Variants in ZIM2 observed in about 807,000 individuals in gnomAD.
ZIM2 encodes the protein zinc finger protein 656.
A neutral mutation model predicts 38.6 loss-of-function variants in ZIM2; 14 were observed. The ratio of observed to expected loss-of-function variants is 0.36; its 90% CI spans 0.24 to 0.57. The LOEUF is 0.57. Among genes scored for constraint, ZIM2 ranks in the 20% least tolerant of loss-of-function variants. The pLI is 0.81. For missense variants in ZIM2, 680 were observed against 695.1 expected (o/e 0.98, Z 0.24); for synonymous variants, 247 against 245.8 (o/e 1.00, Z -0.04).
chr19:56,795,296 A>G (rs1022843742), intron 9 of ZIM2, among the ~76,000 whole-genome samples: 4 of 152,180 alleles, frequency 2.6e-5, no homozygotes, highest in African/African-American at 9.6e-5. Context: ...CTTTTCCACC[A>G]CAAGGCCCCA....
intron 10 of ZIM2, among the ~76,000 whole-genome samples, chr19:56,787,019 T>C (rs908443405): frequency 2.0e-5 from 3 of 151,876 alleles, no homozygotes; most frequent in African/African-American, 7.3e-5. Flanking sequence ...GTATTTTTAG[T>C]AGAGATGCGG....
In ZIM2 at chr19:56,774,859, A is replaced by G. The variant is rs775503954; in HGVS notation, c.1506T>C (p.Cys502=). 2.5e-6 allele frequency: 4 copies of G among 1,614,074 alleles called. No individual in the cohort carries two copies. The African/African-American group carries it at 5.3e-5, about 22-fold the overall frequency. ...ATGAATTCCGACTGAAGACTCTGCC[A>G]CAGTCACAACACTGGCAGGCTCTCT... ...VGERACQCCD[C]GRVFSRNSYL... Residue 502 remains cysteine, a synonymous_variant, in exon 13 of 13, where the codon TGT becomes TGC. Transcript: ENST00000629319.
chr19:56,835,555 C>T (rs1011490366), intron 2 of ZIM2, among the ~76,000 whole-genome samples: 1 of 152,210 alleles, frequency 6.6e-6, no homozygotes, highest in African/African-American at 2.4e-5. Flanking sequence ...ATTAAGTCAG[C>T]TGTTGCTAGC....
At chr19:56,786,009 C>T (rs1469688908) in intron 10 of ZIM2, among the ~76,000 whole-genome samples, 2 of 152,140 alleles carry the variant, frequency 1.3e-5, no homozygotes, top group Non-Finnish European at 2.9e-5. Context: ...AAACCCTGCA[C>T]CTTCTAGCAG....
chr19:56,775,136 G>C lies in ZIM2; in HGVS notation c.1229C>G (p.Ser410Cys). The C allele has an allele frequency of 6.2e-7, 1 of 1,614,150 alleles. No homozygotes were observed. The highest frequency in any genetic ancestry group is 8.5e-7 in the Non-Finnish European group (1 of 1,180,036). The change falls in exon 13 of 13, where the codon TCT (serine) becomes TGT (cysteine). Residue 410 changes from serine to cysteine, a missense_variant. Transcript: ENST00000629319. ...PHLNRHQKTH[S>C]GRKTSGCNEG... Reference sequence around the variant, plus strand: ...ATTGCAGCCAGAAGTCTTCCTACCAGAATGGGTCTTCTGATGTCTGTTGAG... The same window carrying C: ...ATTGCAGCCAGAAGTCTTCCTACCACAATGGGTCTTCTGATGTCTGTTGAG...
At chr19:56,802,263 G>A (rs1486418350) in intron 9 of ZIM2, among the ~76,000 whole-genome samples, 1 of 152,078 alleles carries the variant, frequency 6.6e-6, no homozygotes, top group African/African-American at 2.4e-5. Context: ...CAACACAGGG[G>A]GCCACCTACT....
At chr19:56,822,054 C>T (rs529916495) in intron 6 of ZIM2, among the ~76,000 whole-genome samples, 29 of 152,282 alleles carry the variant, frequency 1.9e-4, no homozygotes, top group African/African-American at 6.5e-4. Context: ...CCTCATCCTT[C>T]GGGCACAACC....
intron 2 of ZIM2, among the ~76,000 whole-genome samples, chr19:56,830,027 C>A (rs1426063595): frequency 2.6e-5 from 4 of 152,192 alleles, no homozygotes; most frequent in Non-Finnish European, 5.9e-5. Context: ...AGTTAATCTG[C>A]CTGAGGATGG....
intron 12 of ZIM2, among the ~76,000 whole-genome samples, chr19:56,776,706 G>A (rs2046028041): frequency 6.6e-6 from 1 of 152,136 alleles, no homozygotes; most frequent in African/African-American, 2.4e-5. Context: ...ATGGGTCAGA[G>A]GTCTGTAAAA....
At chr19:56,833,047 A>T in intron 2 of ZIM2, 1 of 422,808 alleles carries the variant, frequency 2.4e-6, no homozygotes, top group Non-Finnish European at 4.7e-6. Flanking sequence ...TAATCAGAGA[A>T]ATGATGGGTC....
At chr19:56,802,016 A>G (rs955223771) in intron 9 of ZIM2, among the ~76,000 whole-genome samples, 1 of 152,204 alleles carries the variant, frequency 6.6e-6, no homozygotes, top group African/African-American at 2.4e-5. Flanking sequence ...CTAAGGGACT[A>G]GGACCAAACC....
At chr19:56,820,295 T>C (rs1418514219) in intron 7 of ZIM2, among the ~76,000 whole-genome samples, 1 of 152,254 alleles carries the variant, frequency 6.6e-6, no homozygotes, top group Non-Finnish European at 1.5e-5. Flanking sequence ...TGTGTACACC[T>C]TCAAAATGTA....
intron 9 of ZIM2, 86 bp downstream of exon 9, chr19:56,817,660 G>A: frequency 1.3e-6 from 2 of 1,519,642 alleles, no homozygotes; most frequent in Non-Finnish European, 1.8e-6. Flanking sequence ...ACCCTTCTGT[G>A]ATGTTTAGGA....
intron 10 of ZIM2, among the ~76,000 whole-genome samples, chr19:56,784,034 C>T (rs936892487): frequency 6.6e-6 from 1 of 152,128 alleles, no homozygotes; most frequent in Non-Finnish European, 1.5e-5. Context: ...AACTTACTAG[C>T]CATTTTGCTC....
chr19:56,800,934 CTTTTT>C (rs776316373), intron 9 of ZIM2, among the ~76,000 whole-genome samples: 1 of 135,990 alleles, frequency 7.4e-6, no homozygotes. Context: ...GATGGTATTA[CTTTTT>C]TTTTTTTTTT....
intron 10 of ZIM2, among the ~76,000 whole-genome samples, chr19:56,784,880 C>G (rs1479557223): frequency 6.6e-6 from 1 of 152,052 alleles, no homozygotes; most frequent in African/African-American, 2.4e-5. Flanking sequence ...ACTCTGATAT[C>G]CATTTTATTA....
At chr19:56,788,882 C>A (rs2046777861) in intron 10 of ZIM2, among the ~76,000 whole-genome samples, 1 of 151,720 alleles carries the variant, frequency 6.6e-6, no homozygotes, top group Admixed American at 6.6e-5. Flanking sequence ...TGTTTTCATG[C>A]TTTATTTCAT....
At chr19:56,778,609 G>A (rs944783428) in intron 12 of ZIM2, among the ~76,000 whole-genome samples, 1 of 152,140 alleles carries the variant, frequency 6.6e-6, no homozygotes, top group Non-Finnish European at 1.5e-5. Flanking sequence ...TGTCAGAGTC[G>A]AAGGCAGAGT....
Position 56,775,184 on chromosome 19 carries a change from T to G in ZIM2, c.1181A>C (p.Glu394Ala), listed in dbSNP as rs1484271094. The change falls in exon 13 of 13, where the codon GAA becomes GCA. Residue 394 changes from glutamate (E) to alanine (A), a missense_variant. By Grantham distance (107) the Glu-to-Ala change is moderately radical. Transcript: ENST00000629319. Reference protein sequence around the residue: ...KKPYECKQCAEAFYLMPHLNR... With the variant: ...KKPYECKQCAAAFYLMPHLNR... ...GAGGTGTGGCATGAGATAGAAGGCT[T>G]CAGCACACTGTTTACATTCATAGGG... 6.2e-7 allele frequency: 1 copy of G among 1,614,142 alleles called. No homozygotes were observed. The highest frequency in any genetic ancestry group is 8.5e-7 in the Non-Finnish European group (1 of 1,180,030).
Sources: allele counts gnomAD v4.1 joint callset (sites outside exome capture counted in the v4.1 genomes callset), GRCh38; gene constraint gnomAD v4.1.1; transcripts MANE v1.5; gene names NCBI Gene and HGNC (gene_info 2026-07-23, HGNC 2026-07-21).